The following B4GALNT1 variants were observed in gnomAD, a reference collection of about 807,000 sequenced individuals.
B4GALNT1 encodes the protein beta-1,4 N-acetylgalactosaminyltransferase 1.
A neutral mutation model predicts 55.2 loss-of-function variants in B4GALNT1; 43 were observed. The observed-to-expected ratio is 0.78, with a 90% confidence interval of 0.61 to 1.00. The LOEUF (loss-of-function observed/expected upper bound fraction) is 1.00, where lower values mean the gene tolerates loss of function less well. Among genes scored for constraint, B4GALNT1 ranks in the 50% least tolerant of loss-of-function variants. The pLI is 0.00. For missense variants in B4GALNT1, 664 were observed against 729.7 expected (o/e 0.91, Z 1.04); for synonymous variants, 305 against 311.6 (o/e 0.98, Z 0.22).
rs575817773 is a variant in B4GALNT1 at position 57,631,257 on chromosome 12, G to T, written c.326C>A (p.Ala109Glu). Residue 109 changes from alanine (A) to glutamate (E), a missense_variant, in exon 3 of 11, where the codon GCA becomes GAA. Ala to Glu is a moderately radical substitution (Grantham distance 107). Transcript: ENST00000341156. ...AIDLTKAFDP[A>E]ELRAASATRE... ...TGTGGCAGAGGCAGCCCTCAGCTCT[G>T]CAGGGTCAAAGGCCTTGGTGAGGTC... 19 of 1,614,176 alleles carry T rather than the reference G, an allele frequency of 1.2e-5. No individual in the cohort carries two copies. In the African/African-American group the frequency reaches 1.5e-4, roughly 12 times the overall value.
intron 6 of B4GALNT1, 198 bp downstream of exon 6, chr12:57,629,954 C>G: frequency 6.5e-7 from 1 of 1,536,674 alleles, no homozygotes; most frequent in Non-Finnish European, 8.7e-7. Context: ...TTCCCTCTGG[C>G]CTGCTCCAGC....
intron 2 of B4GALNT1, among the ~76,000 whole-genome samples, chr12:57,631,704 C>T (rs1041603415): frequency 2.0e-5 from 3 of 152,170 alleles, no homozygotes; most frequent in South Asian, 2.1e-4. Flanking sequence ...CAACCTCCCA[C>T]GCCCATCCCC....
intron 10 of B4GALNT1, 115 bp downstream of exon 10, chr12:57,627,503 T>C: frequency 7.3e-7 from 1 of 1,366,832 alleles, no homozygotes. Flanking sequence ...AGAACTGTTC[T>C]GGGGTTCCCG....
In B4GALNT1 at chr12:57,625,762, T is replaced by A. The variant is rs916260195; in HGVS notation, c.*982A>T. The A allele has an allele frequency of 6.6e-7, 1 of 1,514,912 alleles. No homozygotes were observed. Among genetic ancestry groups the A allele is most frequent in the African/African-American group, 1.4e-5 (1 of 71,686 alleles). The allele number at this position is 1,514,912 out of a possible 1,614,324, so 93.8% of individuals were successfully genotyped here. A position where few individuals can be genotyped will look rare whatever the true frequency, so the allele number is the denominator to read the frequency against. On this transcript the variant is annotated 3_prime_UTR_variant, in exon 11 of 11. Coordinates refer to ENST00000341156, the MANE Select transcript of B4GALNT1 (RefSeq NM_001478.5). ...GGCAAGTGAGGCAGGGGTAAGTGGC[T>A]GGAGACCCAGGGAGAGGGGTTTGGG...
chr12:57,633,197 A>G lies in B4GALNT1; in HGVS notation c.-427T>C, dbSNP rs1460593977. ...GCGGCTGCTTCGGCTCCGCGCGGGG[A>G]ATGCGAGCGCCCCGGCGCCTTCTAG... On this transcript the variant is annotated 5_prime_UTR_variant, in exon 1 of 11. Coordinates refer to ENST00000341156, the MANE Select transcript of B4GALNT1 (RefSeq NM_001478.5). 1.3e-5 allele frequency: 2 copies of G among 152,114 alleles called. No homozygotes were observed. Among genetic ancestry groups the G allele is most frequent in the Non-Finnish European group, 2.9e-5 (2 of 68,036 alleles). The allele number at this position is 152,114 out of a possible 1,614,324, so 9.4% of individuals were successfully genotyped here. A position where few individuals can be genotyped will look rare whatever the true frequency, so the allele number is the denominator to read the frequency against.
rs529603909 is a variant in B4GALNT1, at chr12:57,625,307, G to T, written c.*1437C>A. ...CTTTGCAGATGCTGCTGGGGCCAGAGAAGTGGTGCAGGTGAGGGAGAGGGT... is the reference window on the plus strand; with the variant it reads ...CTTTGCAGATGCTGCTGGGGCCAGATAAGTGGTGCAGGTGAGGGAGAGGGT... On this transcript the variant is annotated 3_prime_UTR_variant, in exon 11 of 11. Transcript: ENST00000341156. 1.7e-5 allele frequency: 27 copies of T among 1,614,006 alleles called. No individual in the cohort carries two copies. Among genetic ancestry groups the T allele is most frequent in the Non-Finnish European group, 2.0e-5 (24 of 1,180,002 alleles).
intron 10 of B4GALNT1, 49 bp from the exon 11 acceptor site, chr12:57,627,010 G>A (rs1263411439): frequency 2.0e-6 from 3 of 1,509,936 alleles, no homozygotes; most frequent in Non-Finnish European, 2.7e-6. Context: ...GGTGCAGAAG[G>A]CCGACTGGTA....
rs1565733238 is a variant in B4GALNT1, at chr12:57,623,966, G to C, written c.*2778C>G. 1 of 1,612,996 alleles carries C rather than the reference G, an allele frequency of 6.2e-7. No homozygotes were observed. Among genetic ancestry groups the C allele is most frequent in the Non-Finnish European group, 8.5e-7 (1 of 1,179,400 alleles). On this transcript the variant is annotated 3_prime_UTR_variant, in exon 11 of 11. Coordinates refer to ENST00000341156, the MANE Select transcript of B4GALNT1 (RefSeq NM_001478.5). ...GCTGGGAGGGGTAGCTGTATTCCAG[G>C]ACATCGAGGTAGTCAGCCCACCTCC...
chr12:57,627,399 T>C (rs1404243092), intron 10 of B4GALNT1, among the ~76,000 whole-genome samples: 1 of 131,600 alleles, frequency 7.6e-6, no homozygotes, highest in Admixed American at 7.4e-5. Flanking sequence ...TAACAAAAAA[T>C]ATATATATTT....
At chr12:57,632,469 G>C (rs903306318) in intron 1 of B4GALNT1, 1 of 413,176 alleles carries the variant, frequency 2.4e-6, no homozygotes. Context: ...CGCTCTATCA[G>C]GGCAGTGGCA....
At position 57,626,921 on chromosome 12, in the gene B4GALNT1, G is replaced by C. The variant is rs1255923626; in HGVS notation, c.1425C>G (p.Ser475=). The part of the protein sequence containing the change: ...LDGLGSLRVG[S]CSDVVVDHAS... The stretch of plus-strand genomic sequence containing the variant: ...CATGATCCACCACGACGTCGGAGCA[G>C]GAGCCAACCCGAAGGGAACCAAGCC... The change falls in exon 11 of 11, where the codon TCC becomes TCG. Residue 475 remains serine, a synonymous_variant. Coordinates refer to ENST00000341156, the MANE Select transcript of B4GALNT1 (RefSeq NM_001478.5). 1 of 1,614,216 alleles carries C rather than the reference G, an allele frequency of 6.2e-7. No individual in the cohort carries two copies. The highest frequency in any genetic ancestry group is 8.5e-7 in the Non-Finnish European group (1 of 1,180,022).
rs752754674 is a variant in B4GALNT1, at chr12:57,626,933, A to G, written c.1413T>C (p.Leu471=). 1 of 1,614,112 alleles carries G rather than the reference A, an allele frequency of 6.2e-7. No individual in the cohort carries two copies. The highest frequency in any genetic ancestry group is 1.1e-5 in the South Asian group (1 of 91,074). Residue 471 remains leucine (L), a synonymous_variant, in exon 11 of 11, where the codon CTT becomes CTC. Coordinates refer to ENST00000341156, the MANE Select transcript of B4GALNT1 (RefSeq NM_001478.5). ...CGACGTCGGAGCAGGAGCCAACCCG[A>G]AGGGAACCAAGCCCATCCAAGAAGA... The part of the protein sequence containing the change: ...LEFFLDGLGS[L]RVGSCSDVVV...
rs770320937 is a variant in B4GALNT1, at chr12:57,628,726, A to G, written c.989T>C (p.Met330Thr). The stretch of plus-strand genomic sequence containing the variant: ...CTAGCTGCACACCTTGCCGAAGGGC[A>G]TGAGATAGTGTTCCACGTAGGGGCC... ...VSGPYVEHYL[M>T]PFGKGWFAGR... is the part of the protein sequence containing the mutation. Residue 330 changes from methionine to threonine, a missense_variant, in exon 8 of 11, where the codon ATG (methionine) becomes ACG (threonine). Met to Thr is a moderately conservative substitution (Grantham distance 81). Transcript: ENST00000341156. The G allele has an allele frequency of 1.2e-6, 2 of 1,614,228 alleles. No homozygotes were observed. The highest frequency in any genetic ancestry group is 1.7e-6 in the Non-Finnish European group (2 of 1,180,042).
chr12:57,629,274 C>G, intron 6 of B4GALNT1, 128 bp from the exon 7 acceptor site: 1 of 727,346 alleles, frequency 1.4e-6, no homozygotes, highest in Non-Finnish European at 2.1e-6. Context: ...ACAGAAGGTT[C>G]TTACCTTTAT....
intron 8 of B4GALNT1, 132 bp from the exon 9 acceptor site, chr12:57,628,394 G>T: frequency 7.4e-7 from 1 of 1,351,628 alleles, no homozygotes; most frequent in Non-Finnish European, 1.0e-6. Context: ...CGAAAGGCCA[G>T]GAGCTAGGTA....
Position 57,628,752 on chromosome 12 carries a change from A to C in B4GALNT1, c.963T>G (p.Ser321Arg). 6.2e-7 allele frequency: 1 copy of C among 1,614,262 alleles called. No homozygotes were observed. Among genetic ancestry groups the C allele is most frequent in the Non-Finnish European group, 8.5e-7 (1 of 1,180,046 alleles). ...ADDSDKPERVSGPYVEHYLMP... is the reference protein window; with the variant it reads ...ADDSDKPERVRGPYVEHYLMP... ...TGAGATAGTGTTCCACGTAGGGGCC[A>C]CTAACGCGCTCTGGCTTGTCGCTGT... Residue 321 changes from serine (S) to arginine (R), a missense_variant, in exon 8 of 11, where the codon AGT (serine) becomes AGG (arginine). Coordinates refer to ENST00000341156, the MANE Select transcript of B4GALNT1 (RefSeq NM_001478.5).
chr12:57,623,969 A>G lies in B4GALNT1; in HGVS notation c.*2775T>C, dbSNP rs1306438074. The G allele has an allele frequency of 7.4e-6, 12 of 1,612,006 alleles. No homozygotes were observed. Among genetic ancestry groups the G allele is most frequent in the African/African-American group, 1.3e-5 (1 of 74,830 alleles). ...GGGAGGGGTAGCTGTATTCCAGGAC[A>G]TCGAGGTAGTCAGCCCACCTCCTCT... On this transcript the variant is annotated 3_prime_UTR_variant, in exon 11 of 11. Transcript: ENST00000341156.
Position 57,627,163 on chromosome 12 carries a change from A to G in B4GALNT1, c.1385-202T>C, listed in dbSNP as rs557369136. Among the ~76,000 whole-genome samples the G allele has an allele frequency of 1.3e-4, 20 of 152,262 alleles. No homozygotes were observed. The South Asian group carries it at 4.1e-3, about 32-fold the overall frequency. ...CAATATACTTGTGCTTTGAAAATCG[A>G]AAAACCTACCCCTACTCCCAGAGGT... On this transcript the variant is annotated intron_variant, in intron 10 of 10. Transcript: ENST00000341156.
Position 57,631,292 on chromosome 12 carries a change from G to A in B4GALNT1, c.291C>T (p.Val97=). The change falls in exon 3 of 11, where the codon GTC becomes GTT. Residue 97 remains valine (V), a synonymous_variant. Transcript: ENST00000341156. ...AGGCCTTGGTGAGGTCAATAGCTCG[G>A]ACTTGTTTCTGGAAGGGGAGGGGGA... ...GGLPLPFQKQ[V]RAIDLTKAFD... 6.2e-7 allele frequency: 1 copy of A among 1,614,158 alleles called. No homozygotes were observed. The highest frequency in any genetic ancestry group is 8.5e-7 in the Non-Finnish European group (1 of 1,180,010).
Sources: gnomAD v4.1 joint callset for allele counts (sites outside exome capture counted in the v4.1 genomes callset) on GRCh38, gnomAD v4.1.1 for gene constraint, MANE v1.5 for transcripts, NCBI Gene and HGNC (gene_info 2026-07-23, HGNC 2026-07-21) for gene names.